The following MSANTD2 variants were observed in gnomAD, a reference collection of about 807,000 sequenced individuals.
MSANTD2 encodes the protein myb/SANT-like DNA-binding domain-containing protein 2.
Under a neutral mutation model 52.6 loss-of-function variants are expected in MSANTD2, and 19 were observed. That is an observed-to-expected ratio of 0.36 (90% CI 0.25 to 0.53). The LOEUF is 0.53. Among genes scored for constraint, MSANTD2 ranks in the 20% least tolerant of loss-of-function variants. The pLI, the probability that MSANTD2 is intolerant of heterozygous loss-of-function variation, is 0.91. For missense variants in MSANTD2, 558 were observed against 716.3 expected (o/e 0.78, Z 2.52); for synonymous variants, 291 against 289.7 (o/e 1.00, Z -0.04).
At position 124,790,888 on chromosome 11, in the gene MSANTD2, G is replaced by T. The variant is rs192667338; in HGVS notation, c.510+8983C>A. 4.3e-3 allele frequency: 953 copies of T among 221,394 alleles called. 9 individuals are homozygous for T. Among genetic ancestry groups the T allele is most frequent in the African/African-American group, 0.02 (871 of 43,134 alleles). 13.7% of individuals were successfully genotyped at this position (221,394 alleles called of 1,614,324 possible). A position where few individuals can be genotyped will look rare whatever the true frequency, so the allele number is the denominator to read the frequency against. Reference sequence around the variant, plus strand: ...CACCAGAATATCTGGGACAGATGTTGCAAATTAATGTTTCTGGAGTTTCAA... The same window carrying T: ...CACCAGAATATCTGGGACAGATGTTTCAAATTAATGTTTCTGGAGTTTCAA... On this transcript the variant is annotated intron_variant, in intron 1 of 3. Coordinates refer to ENST00000374979, the MANE Select transcript of MSANTD2 (RefSeq NM_001308027.2).
intron 1 of MSANTD2, among the ~76,000 whole-genome samples, chr11:124,794,764 T>TA (rs1945439538): frequency 2.0e-5 from 3 of 152,248 alleles, no homozygotes; most frequent in African/African-American, 7.2e-5. Context: ...ATTTTCCTGT[T>TA]AGAGTACAAA....
intron 1 of MSANTD2, chr11:124,784,353 A>G (rs1477448595): frequency 1.0e-6 from 1 of 984,790 alleles, no homozygotes; most frequent in African/African-American, 1.7e-5. Context: ...GTGATATCTA[A>G]AACACATGCA....
intron 2 of MSANTD2, chr11:124,773,472 C>G (rs892610822): frequency 6.2e-6 from 1 of 162,380 alleles, no homozygotes; most frequent in Non-Finnish European, 1.3e-5. Flanking sequence ...GTTTGAGTGA[C>G]TTAACTCTCT....
At chr11:124,787,796 C>T (rs1017499834) in intron 1 of MSANTD2, among the ~76,000 whole-genome samples, 2 of 152,094 alleles carry the variant, frequency 1.3e-5, no homozygotes, top group African/African-American at 4.8e-5. Flanking sequence ...TTGCTCAGTT[C>T]TTCCTTTATA....
At chr11:124,791,501 C>A in intron 1 of MSANTD2, 2 of 1,103,182 alleles carry the variant, frequency 1.8e-6, no homozygotes, top group Non-Finnish European at 2.7e-6. Flanking sequence ...TGGCTGAGGG[C>A]AAGAGTTGGA....
intron 1 of MSANTD2, among the ~76,000 whole-genome samples, chr11:124,778,582 A>C (rs762692026): frequency 6.6e-6 from 1 of 152,180 alleles, no homozygotes; most frequent in South Asian, 2.1e-4. Flanking sequence ...TAACAACTTG[A>C]TCGGTGGTCA....
intron 1 of MSANTD2, among the ~76,000 whole-genome samples, chr11:124,786,986 AATCT>A (rs1448144726): frequency 6.6e-6 from 1 of 152,232 alleles, no homozygotes; most frequent in Non-Finnish European, 1.5e-5. Flanking sequence ...GTGACAAATT[AATCT>A]ATCTGTGCCT....
chr11:124,783,717 G>C (rs1374696408), intron 1 of MSANTD2: 1 of 984,808 alleles, frequency 1.0e-6, no homozygotes, highest in African/African-American at 1.7e-5. Flanking sequence ...CAAGTTCTAA[G>C]TTTTCTAGGT....
At chr11:124,769,185 A>G (rs1944411304) in intron 3 of MSANTD2, among the ~76,000 whole-genome samples, 1 of 152,196 alleles carries the variant, frequency 6.6e-6, no homozygotes, top group African/African-American at 2.4e-5. Context: ...CTTTGGGAAC[A>G]TTCTGGCGAG....
intron 1 of MSANTD2, among the ~76,000 whole-genome samples, chr11:124,793,432 T>C (rs1380607704): frequency 6.6e-6 from 1 of 152,224 alleles, no homozygotes; most frequent in Non-Finnish European, 1.5e-5. Context: ...CTTAAAAATC[T>C]TCCAGAGGAT....
At chr11:124,770,778 T>G (rs1565449930) in intron 3 of MSANTD2, among the ~76,000 whole-genome samples, 1 of 136,860 alleles carries the variant, frequency 7.3e-6, no homozygotes, top group Non-Finnish European at 1.5e-5. Context: ...GCTAATTTTT[T>G]GGTTTTTTTT....
chr11:124,787,506 G>A (rs1354983431), intron 1 of MSANTD2, among the ~76,000 whole-genome samples: 2 of 152,102 alleles, frequency 1.3e-5, no homozygotes, highest in African/African-American at 2.4e-5. Context: ...TCAGCCTCCC[G>A]AGTAGCTGGG....
chr11:124,773,991 G>A (rs544918561), intron 2 of MSANTD2, among the ~76,000 whole-genome samples: 8 of 152,304 alleles, frequency 5.3e-5, no homozygotes, highest in South Asian at 2.1e-4. Context: ...CATGTAATGC[G>A]CAAAGAAACA....
intron 2 of MSANTD2, 53 bp from the exon 3 acceptor site, chr11:124,773,107 A>G (rs1050410761): frequency 2.2e-5 from 22 of 1,006,290 alleles, no homozygotes; most frequent in Non-Finnish European, 3.3e-5. Flanking sequence ...GGTGGCATGC[A>G]TGTATGTAGA....
intron 1 of MSANTD2, chr11:124,790,019 G>A (rs1945280971): frequency 6.6e-6 from 1 of 152,230 alleles, no homozygotes; most frequent in African/African-American, 2.4e-5. Context: ...AACTCAGAAA[G>A]TTTTTCCTTC....
chr11:124,795,113 A>C (rs1945453843), intron 1 of MSANTD2, among the ~76,000 whole-genome samples: 1 of 152,256 alleles, frequency 6.6e-6, no homozygotes, highest in Non-Finnish European at 1.5e-5. Context: ...TCCTGAGCTC[A>C]CGTGATATGC....
At chr11:124,778,637 G>T (rs1330147002) in intron 1 of MSANTD2, among the ~76,000 whole-genome samples, 1 of 152,200 alleles carries the variant, frequency 6.6e-6, no homozygotes, top group African/African-American at 2.4e-5. Flanking sequence ...AATGGCAAGA[G>T]AATGCTTACT....
intron 3 of MSANTD2, among the ~76,000 whole-genome samples, chr11:124,769,093 C>T (rs532432615): frequency 1.5e-4 from 23 of 152,290 alleles, no homozygotes; most frequent in Non-Finnish European, 2.9e-4. Context: ...TGCGTGCTAA[C>T]AGCTTCTTGA....
chr11:124,774,456 G>T lies in MSANTD2; in HGVS notation c.766+263C>A, dbSNP rs1944660517. 6.6e-6 allele frequency among the ~76,000 whole-genome samples: 1 copy of T among 152,172 alleles called. No homozygotes were observed. The highest frequency in any genetic ancestry group is 2.4e-5 in the African/African-American group (1 of 41,454). On this transcript the variant is annotated intron_variant, in intron 2 of 3. Coordinates refer to ENST00000374979, the MANE Select transcript of MSANTD2 (RefSeq NM_001308027.2). The surrounding 1 kb of genome is among the most constrained non-coding windows in gnomAD (Gnocchi z 5.1). ...ATTCTTCTGTGTCTTTGGGAATCCT[G>T]CTGGTAAACAACTTGCCAAATGAAC...
Sources: allele counts gnomAD v4.1 joint callset (sites outside exome capture counted in the v4.1 genomes callset), GRCh38; gene constraint gnomAD v4.1.1; non-coding constraint Gnocchi (gnomAD v3.1); transcripts MANE v1.5; gene names NCBI Gene and HGNC (gene_info 2026-07-23, HGNC 2026-07-21).